The following RTTN variants were observed in gnomAD, a reference collection of about 807,000 sequenced individuals.
The protein encoded by RTTN is rotatin.
A neutral mutation model predicts 269.2 loss-of-function variants in RTTN; 182 were observed. That is an observed-to-expected ratio of 0.68 (90% CI 0.60 to 0.76). The LOEUF (loss-of-function observed/expected upper bound fraction) is 0.76, where lower values mean the gene tolerates loss of function less well. RTTN is among the 30% of genes least tolerant of loss of function. The probability of loss-of-function intolerance (pLI) is 0.00; values close to 1 mark genes in which losing one functional copy is unlikely to be tolerated. For missense variants in RTTN, 2,545 were observed against 2,608.6 expected, an observed-to-expected ratio of 0.98 and a Z score of 0.53; for synonymous variants, 1,006 against 963.5, an observed-to-expected ratio of 1.04 and a Z score of -0.82.
rs772797024 is a variant in RTTN at position 70,024,784 on chromosome 18, T to C, written c.5888A>G (p.Asp1963Gly). ...CAGAGAAATTTGCATCAATGAATCA[T>C]CCATCAAAATCCAAGGCCAGAGAGA... ...LHSLWPWILM[D>G]DSLMQISLQL... Residue 1963 changes from aspartate to glycine, a missense_variant, in exon 44 of 49, where the codon GAT becomes GGT. Transcript: ENST00000640769. The C allele has an allele frequency of 1.2e-6, 2 of 1,613,866 alleles. No homozygotes were observed. Among genetic ancestry groups the C allele is most frequent in the South Asian group, 1.1e-5 (1 of 91,056 alleles).
At chr18:70,167,052 A>G in intron 12 of RTTN, 21 bp from the exon 13 acceptor site, 1 of 1,492,202 alleles carries the variant, frequency 6.7e-7, no homozygotes, top group Non-Finnish European at 9.3e-7. Flanking sequence ...AGCAGAATGG[A>G]ACAATAAATG....
chr18:70,150,138 G>T, intron 15 of RTTN, 51 bp from the exon 16 acceptor site: 1 of 1,123,878 alleles, frequency 8.9e-7, no homozygotes, highest in Non-Finnish European at 1.3e-6. Context: ...TGTCCCGCTA[G>T]GTCACCTGAC....
intron 34 of RTTN, among the ~76,000 whole-genome samples, chr18:70,067,098 T>C (rs922398301): frequency 5.9e-5 from 9 of 151,332 alleles, no homozygotes; most frequent in Non-Finnish European, 1.3e-4. Flanking sequence ...TAAACAAACA[T>C]CAAATGCCTT....
At chr18:70,114,407 T>C (rs369253258) in intron 27 of RTTN, 38 bp downstream of exon 27, 7 of 1,584,338 alleles carry the variant, frequency 4.4e-6, no homozygotes, top group Admixed American at 1.8e-5. Flanking sequence ...TTGGGTTCTA[T>C]ATAAATGCAC....
intron 45 of RTTN, 53 bp downstream of exon 45, chr18:70,020,562 A>C (rs1235443844): frequency 1.4e-6 from 2 of 1,406,098 alleles, no homozygotes; most frequent in East Asian, 4.6e-5. Context: ...TTGATTGGAA[A>C]GATTATTTCA....
intron 21 of RTTN, chr18:70,139,055 T>A (rs75167469): frequency 6.6e-6 from 1 of 150,594 alleles, no homozygotes; most frequent in Non-Finnish European, 1.5e-5. Context: ...AACGTGTTCA[T>A]CTAACACCTT....
chr18:70,162,553 C>T (rs1157861240), intron 14 of RTTN, among the ~76,000 whole-genome samples: 2 of 152,138 alleles, frequency 1.3e-5, no homozygotes, highest in Admixed American at 6.5e-5. Context: ...CCAGCAGAGA[C>T]AATGCCAGAT....
chr18:70,134,665 A>T (rs1278217891), intron 22 of RTTN, 124 bp from the exon 23 acceptor site: 1 of 621,204 alleles, frequency 1.6e-6, no homozygotes, highest in Non-Finnish European at 2.9e-6. Context: ...TGAGTCTATC[A>T]TTTAGTATAG....
intron 42 of RTTN, among the ~76,000 whole-genome samples, 158 bp downstream of exon 42, chr18:70,029,854 A>C (rs1455418202): frequency 6.6e-6 from 1 of 152,218 alleles, no homozygotes; most frequent in Non-Finnish European, 1.5e-5. Flanking sequence ...AAGACCAAAA[A>C]AAGCCAACAA....
At chr18:70,191,289 T>G (rs1038229505) in intron 8 of RTTN, among the ~76,000 whole-genome samples, 1 of 152,110 alleles carries the variant, frequency 6.6e-6, no homozygotes, top group South Asian at 2.1e-4. Context: ...AACATTCCTA[T>G]AGTAGGAATC....
At chr18:70,115,710 G>C (rs1464701440) in intron 26 of RTTN, among the ~76,000 whole-genome samples, 2 of 152,048 alleles carry the variant, frequency 1.3e-5, no homozygotes, top group East Asian at 1.9e-4. Context: ...CCTCAGCACA[G>C]TGTCACATCA....
chr18:70,035,571 A>C (rs1390552330), intron 40 of RTTN, among the ~76,000 whole-genome samples: 2 of 152,232 alleles, frequency 1.3e-5, no homozygotes, highest in African/African-American at 4.8e-5. Context: ...AGATGGATTA[A>C]AGACTTAAAT....
In RTTN at chr18:70,095,723, A is replaced by C. The variant is rs565752775; in HGVS notation, c.3904-2919T>G. Reference sequence around the variant, plus strand: ...TAACCCGACCTCTCTGGCTGCCCTTAATATATTTTCCTTCATTTCAGCCTT... The same window carrying C: ...TAACCCGACCTCTCTGGCTGCCCTTCATATATTTTCCTTCATTTCAGCCTT... On this transcript the variant is annotated intron_variant, in intron 28 of 48. Coordinates refer to ENST00000640769, the MANE Select transcript of RTTN (RefSeq NM_173630.4). Among the ~76,000 whole-genome samples, 3 of 151,990 alleles carry C rather than the reference A, an allele frequency of 2.0e-5. No homozygotes were observed. The East Asian group carries it at 5.8e-4, about 29-fold the overall frequency.
At position 70,088,162 on chromosome 18, in the gene RTTN, G is replaced by A. The variant is rs780350830; in HGVS notation, c.4144-15C>T. The A allele has an allele frequency of 6.3e-7, 1 of 1,590,130 alleles. No individual in the cohort carries two copies. Among genetic ancestry groups the A allele is most frequent in the South Asian group, 1.1e-5 (1 of 87,184 alleles). ...GTGAATCTCACCTGTTCAAATTAAAGAGAAAGTTGTTGAATCAAATAAGCC... is the reference window on the plus strand; with the variant it reads ...GTGAATCTCACCTGTTCAAATTAAAAAGAAAGTTGTTGAATCAAATAAGCC... On this transcript the variant is annotated splice_polypyrimidine_tract_variant and intron_variant, in intron 30 of 48. Transcript: ENST00000640769.
At chr18:70,165,641 T>C (rs2060964895) in intron 14 of RTTN, among the ~76,000 whole-genome samples, 1 of 151,546 alleles carries the variant, frequency 6.6e-6, no homozygotes, top group South Asian at 2.1e-4. Context: ...AAATATTTTA[T>C]CATTTAAGAA....
chr18:70,197,384 C>G (rs2061837256), intron 6 of RTTN, among the ~76,000 whole-genome samples: 1 of 152,182 alleles, frequency 6.6e-6, no homozygotes, highest in African/African-American at 2.4e-5. Context: ...TTTAGGTGAT[C>G]CATAAATGGT....
chr18:70,192,659 G>C (rs1227084891), intron 8 of RTTN, among the ~76,000 whole-genome samples: 1 of 116,984 alleles, frequency 8.5e-6, no homozygotes, highest in Non-Finnish European at 1.7e-5. Flanking sequence ...AAGAGAGTGA[G>C]ACCTTGTCTC....
At position 70,006,477 on chromosome 18, in the gene RTTN, G is replaced by T. The variant is rs372948333; in HGVS notation, c.6429C>A (p.Val2143=). 2 of 1,612,834 alleles carry T rather than the reference G, an allele frequency of 1.2e-6. No homozygotes were observed. The highest frequency in any genetic ancestry group is 1.7e-6 in the Non-Finnish European group (2 of 1,178,988). The change falls in exon 47 of 49, where the codon GTC becomes GTA. Residue 2143 remains valine (V), a synonymous_variant. Transcript: ENST00000640769. ...CCAGACAGGCAGCAAGCACAGTAAT[G>T]ACTTTTTCTAAAAATGAACATATAT... ...NKPKILANEK[V]ITVLAACLES... is the part of the protein sequence containing the mutation.
At chr18:70,149,165 T>C (rs920413644) in intron 16 of RTTN, 128 bp from the exon 17 acceptor site, 5 of 780,924 alleles carry the variant, frequency 6.4e-6, no homozygotes, top group East Asian at 5.7e-5. Flanking sequence ...AATAAAATCA[T>C]TATTTTTTAA....
Sources: gnomAD v4.1 joint callset for allele counts (sites outside exome capture counted in the v4.1 genomes callset) on GRCh38, gnomAD v4.1.1 for gene constraint, MANE v1.5 for transcripts, NCBI Gene and HGNC (gene_info 2026-07-23, HGNC 2026-07-21) for gene names.